Variants in TTC21B observed in about 807,000 individuals in gnomAD.
TTC21B encodes tetratricopeptide repeat protein 21B.
Under a neutral mutation model 175.1 loss-of-function variants are expected in TTC21B, and 127 were observed. That is an observed-to-expected ratio of 0.73 (90% confidence interval 0.63 to 0.84). The LOEUF is 0.84. TTC21B is among the 40% of genes least tolerant of loss of function. The pLI is 0.00. For missense variants in TTC21B, 1,561 were observed against 1,558.3 expected (o/e 1.00, Z -0.03); for synonymous variants, 524 against 524.5 (o/e 1.00, Z 0.01).
chr2:165,882,336 C>G (rs1353849815), intron 26 of TTC21B, among the ~76,000 whole-genome samples: 1 of 152,168 alleles, frequency 6.6e-6, no homozygotes, highest in Non-Finnish European at 1.5e-5. Context: ...AAATAGCAGT[C>G]AGTTCACTAG....
In TTC21B at chr2:165,920,216, T is replaced by C. The variant is rs182369602; in HGVS notation, c.1517-783A>G. Among the ~76,000 whole-genome samples, 733 of 152,256 alleles carry C rather than the reference T, an allele frequency of 4.8e-3. 4 individuals carry two copies. The highest frequency in any genetic ancestry group is 5.8e-3 in the Non-Finnish European group (396 of 68,004). ...AGATGTAAGTAGGCTAACTCCCCAT[T>C]CAACCTTGCTAGGAGAATGTGGGAA... On this transcript the variant is annotated intron_variant, in intron 12 of 28. Coordinates refer to ENST00000243344, the MANE Select transcript of TTC21B (RefSeq NM_024753.5).
chr2:165,882,710 C>G (rs1178933191), intron 26 of TTC21B, among the ~76,000 whole-genome samples: 3 of 152,166 alleles, frequency 2.0e-5, no homozygotes, highest in Non-Finnish European at 4.4e-5. Flanking sequence ...TCAACATATT[C>G]AACCAGCAGG....
At chr2:165,931,877 A>G in intron 7 of TTC21B, 21 bp from the exon 8 acceptor site, 1 of 1,528,310 alleles carries the variant, frequency 6.5e-7, no homozygotes, top group Non-Finnish European at 9.1e-7. Context: ...AGGAACTGGT[A>G]TTAACTTAAA....
chr2:165,929,894 T>C (rs1223532564), intron 9 of TTC21B, 147 bp from the exon 10 acceptor site: 5 of 714,444 alleles, frequency 7.0e-6, no homozygotes, highest in South Asian at 3.2e-5. Flanking sequence ...AGAAAGAAAA[T>C]GAAGAGTGAA....
Position 165,924,673 on chromosome 2 carries a change from T to A in TTC21B, c.1392A>T (p.Ala464=), listed in dbSNP as rs1184579049. Residue 464 remains alanine, a synonymous_variant, in exon 12 of 29, where the codon GCA becomes GCT. Transcript: ENST00000243344. The part of the protein sequence containing the change: ...EYLSFCPMQP[A]SPGQPLCPLL... ...GTGGACAAAGAGGTTGCCCAGGACT[T>A]GCAGGCTAAACAAAACAAATCAGCA... is the stretch of plus-strand genomic sequence containing the variant. The A allele has an allele frequency of 6.2e-7, 1 of 1,613,436 alleles. No homozygotes were observed. Among genetic ancestry groups the A allele is most frequent in the Non-Finnish European group, 8.5e-7 (1 of 1,179,616 alleles).
intron 22 of TTC21B, among the ~76,000 whole-genome samples, chr2:165,897,501 TG>T (rs1685410782): frequency 6.6e-6 from 1 of 151,730 alleles, no homozygotes; most frequent in Non-Finnish European, 1.5e-5. Context: ...GAGGTGGGGG[TG>T]GAGCAAACTT....
chr2:165,877,749 A>G (rs1215469790), intron 27 of TTC21B, among the ~76,000 whole-genome samples: 1 of 152,156 alleles, frequency 6.6e-6, no homozygotes, highest in Non-Finnish European at 1.5e-5. Flanking sequence ...GTGTGTATAT[A>G]TATATCTCTA....
intron 22 of TTC21B, among the ~76,000 whole-genome samples, chr2:165,894,148 G>C (rs558042072): frequency 6.6e-6 from 1 of 152,046 alleles, no homozygotes; most frequent in Non-Finnish European, 1.5e-5. Flanking sequence ...GTTAGGATAC[G>C]ACAGACTGGA....
Position 165,943,289 on chromosome 2 carries a change from G to T in TTC21B, c.482C>A (p.Thr161Asn). Residue 161 changes from threonine (T) to asparagine (N), a missense_variant, in exon 5 of 29, where the codon ACT (threonine) becomes AAT (asparagine). Transcript: ENST00000243344. ...LDITRGKEPYTKKALKYFEEG... is the reference protein window; with the variant it reads ...LDITRGKEPYNKKALKYFEEG... ...TTCAAAATACTTCAGTGCTTTTTTA[G>T]TGTAAGGCTCTTTTCCTCTTGTAAT... 1 of 1,611,768 alleles carries T rather than the reference G, an allele frequency of 6.2e-7. No homozygotes were observed. Among genetic ancestry groups the T allele is most frequent in the Non-Finnish European group, 8.5e-7 (1 of 1,177,992 alleles).
chr2:165,921,987 T>G (rs1020053585), intron 12 of TTC21B, among the ~76,000 whole-genome samples: 22 of 151,914 alleles, frequency 1.4e-4, no homozygotes, highest in African/African-American at 5.3e-4. Context: ...TCCCACCCTT[T>G]CCCCTGAGTC....
intron 12 of TTC21B, among the ~76,000 whole-genome samples, chr2:165,924,019 T>C (rs1574110994): frequency 6.6e-6 from 1 of 152,094 alleles, no homozygotes; most frequent in African/African-American, 2.4e-5. Flanking sequence ...TCCCAATGTG[T>C]TGGGATTACA....
At chr2:165,887,155 C>G (rs1298315630) in intron 25 of TTC21B, among the ~76,000 whole-genome samples, 1 of 152,180 alleles carries the variant, frequency 6.6e-6, no homozygotes, top group Non-Finnish European at 1.5e-5. Flanking sequence ...GGAAAGAGAT[C>G]ACTGTCCAGG....
Position 165,930,243 on chromosome 2 carries a change from C to G in TTC21B, c.1016G>C (p.Arg339Thr). The G allele has an allele frequency of 6.2e-7, 1 of 1,613,306 alleles. No homozygotes were observed. ...ELGYQMILQG[R>T]VKEALKWYKT... ...ATACCACTTCAGTGCCTCTTTAACT[C>G]TTCCTTGTAAAATCATTTGGTATCC... Residue 339 changes from arginine (R) to threonine (T), a missense_variant, in exon 9 of 29, where the codon AGA (arginine) becomes ACA (threonine). By Grantham distance (71) the Arg-to-Thr change is moderately conservative (BLOSUM62 -1). Coordinates refer to ENST00000243344, the MANE Select transcript of TTC21B (RefSeq NM_024753.5).
chr2:165,921,693 T>C (rs1686411875), intron 12 of TTC21B, among the ~76,000 whole-genome samples: 1 of 152,144 alleles, frequency 6.6e-6, no homozygotes, highest in Non-Finnish European at 1.5e-5. Context: ...CTCCAACTAG[T>C]TGGTGTCAGA....
In TTC21B at chr2:165,929,164, T is replaced by C. The variant is rs754773733; in HGVS notation, c.1357A>G (p.Met453Val). The change falls in exon 11 of 29, where the codon ATG becomes GTG. Residue 453 changes from methionine (M) to valine (V), a missense_variant. Met to Val is a conservative substitution (Grantham distance 21). Coordinates refer to ENST00000243344, the MANE Select transcript of TTC21B (RefSeq NM_024753.5). Reference sequence around the variant, plus strand: ...ATTGGACAGAAGCTCAGATACTCCATAACAATTTCTAACAAGAAATCAGGA... The same window carrying C: ...ATTGGACAGAAGCTCAGATACTCCACAACAATTTCTAACAAGAAATCAGGA... ...LNPDFLLEIV[M>V]EYLSFCPMQP... 1.8e-5 allele frequency: 29 copies of C among 1,612,760 alleles called. No individual in the cohort carries two copies. The highest frequency in any genetic ancestry group is 2.2e-5 in the Non-Finnish European group (26 of 1,179,226).
chr2:165,933,081 T>C, intron 6 of TTC21B, 24 bp from the exon 7 acceptor site: 2 of 1,601,446 alleles, frequency 1.2e-6, no homozygotes, highest in East Asian at 2.2e-5. Flanking sequence ...ATTTAGTTAA[T>C]GTCAAAATAA....
chr2:165,939,743 T>G (rs1229716755), intron 6 of TTC21B, among the ~76,000 whole-genome samples: 1 of 152,170 alleles, frequency 6.6e-6, no homozygotes, highest in African/African-American at 2.4e-5. Context: ...ACTTACAATG[T>G]TGAAAGCTAA....
Position 165,890,850 on chromosome 2 carries a change from C to A in TTC21B, c.3089G>T (p.Gly1030Val). Residue 1030 changes from glycine to valine, a missense_variant, in exon 23 of 29, where the codon GGA (glycine) becomes GTA (valine). By Grantham distance (109) the Gly-to-Val change is moderately radical (BLOSUM62 -3). Transcript: ENST00000243344. ...TAAATAGATTTACCAAAGATACAGT[C>A]CTTTACAATACTGAAATCCTGGTTC... ...KLEPGFQYCK[G>V]LYLWYTGEPN... 1 of 1,613,156 alleles carries A rather than the reference C, an allele frequency of 6.2e-7. No homozygotes were observed. Among genetic ancestry groups the A allele is most frequent in the South Asian group, 1.1e-5 (1 of 91,040 alleles).
At chr2:165,915,061 G>A (rs1686112377) in intron 15 of TTC21B, 140 bp downstream of exon 15, 1 of 719,390 alleles carries the variant, frequency 1.4e-6, no homozygotes, top group Non-Finnish European at 2.5e-6. Context: ...TGCAGTTGGT[G>A]GTAGAAGGAA....
Sources: gnomAD v4.1 joint callset for allele counts (sites outside exome capture counted in the v4.1 genomes callset) on GRCh38, gnomAD v4.1.1 for gene constraint, MANE v1.5 for transcripts, NCBI Gene and HGNC (gene_info 2026-07-23, HGNC 2026-07-21) for gene names.